NRXN3: variants seen among roughly 807,000 people sequenced by gnomAD.
NRXN3 encodes neurexin III.
In NRXN3, 32 loss-of-function variants were observed where a neutral mutation model predicts 137.6. The ratio of observed to expected loss-of-function variants is 0.23; its 90% CI spans 0.18 to 0.31. The LOEUF (loss-of-function observed/expected upper bound fraction) is 0.31. NRXN3 is among the 10% of genes least tolerant of loss of function. The probability of loss-of-function intolerance (pLI) is 1.00; values close to 1 mark genes in which losing one functional copy is unlikely to be tolerated. For missense variants in NRXN3, 1,574 were observed against 2,062.5 expected (o/e 0.76, Z 4.59); for synonymous variants, 798 against 784.5 (o/e 1.02, Z -0.29).
At chr14:78,568,944 G>A (rs1402741752) in intron 4 of NRXN3, among the ~76,000 whole-genome samples, 1 of 148,596 alleles carries the variant, frequency 6.7e-6, no homozygotes, top group Non-Finnish European at 1.5e-5. Flanking sequence ...TCTGTGGTGG[G>A]AAATATGACT....
intron 16 of NRXN3, among the ~76,000 whole-genome samples, chr14:79,483,740 G>A (rs1276014501): frequency 6.6e-6 from 1 of 152,112 alleles, no homozygotes; most frequent in Non-Finnish European, 1.5e-5. Flanking sequence ...TCCACACAGA[G>A]CAGTTCATTT....
chr14:79,661,642 A>G (rs2098534419), intron 16 of NRXN3: 1 of 152,188 alleles, frequency 6.6e-6, no homozygotes, highest in African/African-American at 2.4e-5. Flanking sequence ...GAATACATGA[A>G]TGAATAAAAC....
chr14:78,617,137 T>A (rs1011051427), intron 4 of NRXN3, among the ~76,000 whole-genome samples: 11 of 152,216 alleles, frequency 7.2e-5, no homozygotes, highest in African/African-American at 2.2e-4. Context: ...TATATTTTTT[T>A]TCCTGAAGAA....
chr14:78,831,973 A>T (rs960359348), intron 10 of NRXN3, among the ~76,000 whole-genome samples: 2 of 152,154 alleles, frequency 1.3e-5, no homozygotes, highest in East Asian at 3.9e-4. Flanking sequence ...TAATACCAGC[A>T]TGTTTCTCAG....
chr14:79,428,361 C>A (rs1324787323), intron 15 of NRXN3, among the ~76,000 whole-genome samples: 1 of 151,656 alleles, frequency 6.6e-6, no homozygotes, highest in Non-Finnish European at 1.5e-5. Flanking sequence ...ATAATATTAT[C>A]TTTTATTTGT....
intron 20 of NRXN3, among the ~76,000 whole-genome samples, chr14:79,823,526 T>C (rs2099279160): frequency 6.6e-6 from 1 of 152,012 alleles, no homozygotes; most frequent in South Asian, 2.1e-4. Flanking sequence ...CAGTGAGCCA[T>C]GATCACACCA....
At chr14:79,860,371 T>C (rs923801170) in intron 20 of NRXN3, among the ~76,000 whole-genome samples, 1 of 152,190 alleles carries the variant, frequency 6.6e-6, no homozygotes, top group African/African-American at 2.4e-5. Flanking sequence ...CAAGCTGTCA[T>C]TTAATAGTCA....
At chr14:78,938,078 T>A (rs1170249242) in intron 10 of NRXN3, among the ~76,000 whole-genome samples, 2 of 152,252 alleles carry the variant, frequency 1.3e-5, no homozygotes, top group Non-Finnish European at 2.9e-5. Flanking sequence ...TTAATCTTCA[T>A]GGAATTAAAT....
At chr14:78,626,382 C>A (rs2097458490) in intron 4 of NRXN3, among the ~76,000 whole-genome samples, 1 of 152,192 alleles carries the variant, frequency 6.6e-6, no homozygotes, top group African/African-American at 2.4e-5. Flanking sequence ...CTGTAGAAAA[C>A]AATCATCATG....
chr14:78,588,678 A>C (rs1339226028), intron 4 of NRXN3, among the ~76,000 whole-genome samples: 1 of 152,234 alleles, frequency 6.6e-6, no homozygotes, highest in African/African-American at 2.4e-5. Flanking sequence ...AATAAATAGT[A>C]CAAGTGAGAA....
intron 4 of NRXN3, among the ~76,000 whole-genome samples, chr14:78,585,740 A>G (rs1054138977): frequency 6.6e-6 from 1 of 152,038 alleles, no homozygotes; most frequent in African/African-American, 2.4e-5. Flanking sequence ...GTTTGCTAAG[A>G]TGGGTAAGGC....
At chr14:79,365,203 T>G (rs1024178715) in intron 15 of NRXN3, among the ~76,000 whole-genome samples, 4 of 152,122 alleles carry the variant, frequency 2.6e-5, no homozygotes, top group Non-Finnish European at 5.9e-5. Context: ...ACAGAGTGAT[T>G]GATTTCTCGG....
intron 15 of NRXN3, among the ~76,000 whole-genome samples, chr14:79,220,407 A>G (rs1273343262): frequency 6.6e-6 from 1 of 152,198 alleles, no homozygotes; most frequent in African/African-American, 2.4e-5. Context: ...CATCAGGAGC[A>G]TTCCATGCCT....
Position 79,102,492 on chromosome 14 carries a change from A to G in NRXN3, c.3262+114351A>G, listed in dbSNP as rs542558213. On this transcript the variant is annotated intron_variant, in intron 15 of 20. Transcript: ENST00000335750. ...TGTCTCTTAGAACACAGGCTTTTCA[A>G]TTATTTTCAGTAAATGTTTACTGAG... 6.6e-5 allele frequency among the ~76,000 whole-genome samples: 10 copies of G among 152,232 alleles called. No homozygotes were observed. In the East Asian group the frequency reaches 1.2e-3, roughly 18 times the overall value.
At chr14:78,809,898 T>C (rs1256381986) in intron 9 of NRXN3, among the ~76,000 whole-genome samples, 2 of 152,072 alleles carry the variant, frequency 1.3e-5, no homozygotes, top group African/African-American at 4.8e-5. Flanking sequence ...AAATAAATTA[T>C]AGAGGAAAAT....
At chr14:78,192,503 A>G (rs1441864115) in intron 1 of NRXN3, among the ~76,000 whole-genome samples, 1 of 152,206 alleles carries the variant, frequency 6.6e-6, no homozygotes, top group Non-Finnish European at 1.5e-5. Flanking sequence ...TTTATTGAGT[A>G]CCTGCTGGGT....
intron 1 of NRXN3, among the ~76,000 whole-genome samples, chr14:78,197,809 G>C (rs1386434786): frequency 6.6e-6 from 1 of 152,160 alleles, no homozygotes; most frequent in Non-Finnish European, 1.5e-5. Flanking sequence ...TCAGGGAGGA[G>C]AGGGGATGGC....
chr14:78,179,836 TTTTTTG>T (rs2059643922), intron 1 of NRXN3, among the ~76,000 whole-genome samples: 2 of 138,822 alleles, frequency 1.4e-5, no homozygotes, highest in Non-Finnish European at 3.1e-5. Flanking sequence ...TTGTTTCTGT[TTTTTTG>T]TTTTTTTTTT....
chr14:79,319,359 C>A (rs577098182), intron 15 of NRXN3, among the ~76,000 whole-genome samples: 1 of 152,136 alleles, frequency 6.6e-6, no homozygotes, highest in African/African-American at 2.4e-5. Flanking sequence ...AAACTACACC[C>A]CCCTGAGCAT....
Sources: gnomAD v4.1 joint callset for allele counts (sites outside exome capture counted in the v4.1 genomes callset) on GRCh38, gnomAD v4.1.1 for gene constraint, MANE v1.5 for transcripts, NCBI Gene and HGNC (gene_info 2026-07-23, HGNC 2026-07-21) for gene names.